KCNH5: variants seen among roughly 807,000 people sequenced by gnomAD.
The protein encoded by KCNH5 is voltage-gated delayed rectifier potassium channel KCNH5.
A neutral mutation model predicts 96.1 loss-of-function variants in KCNH5; 46 were observed. The observed-to-expected ratio is 0.48, with a 90% CI of 0.38 to 0.61. The LOEUF (loss-of-function observed/expected upper bound fraction) is 0.61. Among genes scored for constraint, KCNH5 ranks in the 20% least tolerant of loss-of-function variants. KCNH5 has a pLI of 0.00. For synonymous variants in KCNH5, 439 were observed against 449.8 expected (o/e 0.98, Z 0.30); for missense variants, 907 against 1,225.8 (o/e 0.74, Z 3.88).
chr14:62,967,233 T>A (rs370430022), intron 6 of KCNH5, among the ~76,000 whole-genome samples: 1 of 152,074 alleles, frequency 6.6e-6, no homozygotes, highest in African/African-American at 2.4e-5. Context: ...AGATGCAATT[T>A]ACTGATGAGG....
At chr14:63,034,556 C>T (rs1310678807) in intron 1 of KCNH5, among the ~76,000 whole-genome samples, 1 of 152,214 alleles carries the variant, frequency 6.6e-6, no homozygotes, top group Non-Finnish European at 1.5e-5. Flanking sequence ...CTAATTATTA[C>T]CCAATAATAT....
chr14:62,981,221 T>C lies in KCNH5; in HGVS notation c.593A>G (p.Glu198Gly). The part of the protein sequence containing the change: ...GSDILPQYKQ[E>G]APKTPPHIIL... Reference sequence around the variant, plus strand: ...AATGTGTGGTGGCGTCTTTGGCGCTTCTTGTTTATACTGAGGAAGGATATC... The same window carrying C: ...AATGTGTGGTGGCGTCTTTGGCGCTCCTTGTTTATACTGAGGAAGGATATC... Residue 198 changes from glutamate to glycine, a missense_variant, in exon 6 of 11, where the codon GAA (glutamate) becomes GGA (glycine). By Grantham distance (98) the Glu-to-Gly change is moderately conservative. Transcript: ENST00000322893. 6.2e-7 allele frequency: 1 copy of C among 1,614,132 alleles called. No individual in the cohort carries two copies. The highest frequency in any genetic ancestry group is 8.5e-7 in the Non-Finnish European group (1 of 1,179,994).
chr14:62,874,441 G>A (rs1888326797), intron 7 of KCNH5, among the ~76,000 whole-genome samples: 1 of 152,154 alleles, frequency 6.6e-6, no homozygotes, highest in Non-Finnish European at 1.5e-5. Context: ...AGTCAGAATG[G>A]CGATTATTAA....
chr14:62,787,865 A>G (rs1424029917), intron 9 of KCNH5, among the ~76,000 whole-genome samples: 3 of 152,348 alleles, frequency 2.0e-5, no homozygotes, highest in African/African-American at 7.2e-5. Context: ...TCAGAAAAAA[A>G]GATTCATTTG....
At chr14:62,877,704 G>A (rs1278953263) in intron 7 of KCNH5, among the ~76,000 whole-genome samples, 1 of 151,648 alleles carries the variant, frequency 6.6e-6, no homozygotes, top group Non-Finnish European at 1.5e-5. Flanking sequence ...AACAGGTGCT[G>A]GAGAGGATGT....
chr14:63,037,101 T>C (rs1164787572), intron 1 of KCNH5, among the ~76,000 whole-genome samples: 1 of 152,178 alleles, frequency 6.6e-6, no homozygotes, highest in East Asian at 1.9e-4. Flanking sequence ...TGGCATGATA[T>C]AATGCTTATT....
chr14:62,818,391 T>C (rs184922367), intron 8 of KCNH5, among the ~76,000 whole-genome samples: 1 of 152,178 alleles, frequency 6.6e-6, no homozygotes, highest in African/African-American at 2.4e-5. Flanking sequence ...AAATAAAAAA[T>C]AATTTTCTAA....
chr14:62,969,994 C>T (rs146657135), intron 6 of KCNH5, among the ~76,000 whole-genome samples: 69 of 136,798 alleles, frequency 5.0e-4, no homozygotes, highest in African/African-American at 1.7e-3. Context: ...GCTGAGACTG[C>T]GCCACTGCAC....
At chr14:62,785,977 G>A (rs1486725428) in intron 9 of KCNH5, among the ~76,000 whole-genome samples, 2 of 152,152 alleles carry the variant, frequency 1.3e-5, no homozygotes, top group African/African-American at 2.4e-5. Context: ...CAGATCACAA[G>A]GTCAGGAGTT....
At chr14:62,840,566 C>CTTTTTTTTTTTTTTTTTTTTTTT (rs71120238) in intron 8 of KCNH5, among the ~76,000 whole-genome samples, 4 of 76,364 alleles carry the variant, frequency 5.2e-5, no homozygotes, top group Non-Finnish European at 6.8e-5. Context: ...TCTTTTTTTT[C>CTTTTTTTTTTTTTTTTTTTTTTT]TTTTTTTTTT....
At chr14:62,805,354 T>C (rs1254318393) in intron 8 of KCNH5, among the ~76,000 whole-genome samples, 1 of 152,184 alleles carries the variant, frequency 6.6e-6, no homozygotes, top group Non-Finnish European at 1.5e-5. Context: ...ACTTAACATA[T>C]GACACTAATT....
chr14:62,983,608 C>A (rs1890651871), intron 5 of KCNH5, among the ~76,000 whole-genome samples: 1 of 152,142 alleles, frequency 6.6e-6, no homozygotes, highest in Non-Finnish European at 1.5e-5. Context: ...AAGCCCTGCT[C>A]AGTAGCCTGG....
At chr14:62,844,189 A>T (rs1176701794) in intron 8 of KCNH5, among the ~76,000 whole-genome samples, 1 of 152,176 alleles carries the variant, frequency 6.6e-6, no homozygotes, top group East Asian at 1.9e-4. Context: ...TGAAACAAAA[A>T]TGAAGACTAA....
At chr14:62,816,344 A>G (rs533204635) in intron 8 of KCNH5, among the ~76,000 whole-genome samples, 1 of 151,984 alleles carries the variant, frequency 6.6e-6, no homozygotes, top group Non-Finnish European at 1.5e-5. Flanking sequence ...ATATATATAT[A>G]TCAGTGTATG....
At chr14:62,880,317 CAT>C (rs765551373) in intron 7 of KCNH5, among the ~76,000 whole-genome samples, 13 of 152,214 alleles carry the variant, frequency 8.5e-5, no homozygotes, top group African/African-American at 2.4e-4. Flanking sequence ...CGTGCACACT[CAT>C]GTGCTCAATT....
chr14:62,816,210 G>T (rs973088242), intron 8 of KCNH5, among the ~76,000 whole-genome samples: 84 of 151,758 alleles, frequency 5.5e-4, no homozygotes, highest in Non-Finnish European at 3.8e-4. Context: ...ATATAGTTCA[G>T]CAATTGAAAT....
At chr14:62,753,823 T>C (rs1195172930) in intron 10 of KCNH5, among the ~76,000 whole-genome samples, 1 of 152,200 alleles carries the variant, frequency 6.6e-6, no homozygotes, top group African/African-American at 2.4e-5. Flanking sequence ...ATACCATATC[T>C]GTCCTACAAG....
At chr14:62,877,402 C>A (rs935590828) in intron 7 of KCNH5, among the ~76,000 whole-genome samples, 5 of 151,972 alleles carry the variant, frequency 3.3e-5, no homozygotes, top group African/African-American at 1.2e-4. Flanking sequence ...TCAGAGTGAA[C>A]AGGCAACCTA....
At chr14:62,812,189 A>C (rs1006164340) in intron 8 of KCNH5, among the ~76,000 whole-genome samples, 1 of 152,174 alleles carries the variant, frequency 6.6e-6, no homozygotes, top group Non-Finnish European at 1.5e-5. Flanking sequence ...TACTAAAAAA[A>C]TTAAAATGCT....
Sources: allele counts gnomAD v4.1 joint callset (sites outside exome capture counted in the v4.1 genomes callset), GRCh38; gene constraint gnomAD v4.1.1; transcripts MANE v1.5; gene names NCBI Gene and HGNC (gene_info 2026-07-23, HGNC 2026-07-21).